Variants in SLC38A12 observed in about 807,000 individuals in gnomAD.
SLC38A12 encodes putative sodium-coupled neutral amino acid transporter 12.
the SLC38A12 span, chr17:74,836,391 G>A: frequency 2.9e-5 from 46 of 1,611,702 alleles, no homozygotes; most frequent in Middle Eastern, 3.3e-4. The surrounding 1 kb of genome is among the most constrained non-coding windows in gnomAD (Gnocchi z 4.2). Context: ...GGACCGCGTC[G>A]TGTTTCCCAC....
At chr17:74,794,318 G>C in the SLC38A12 span, among the ~76,000 whole-genome samples, 1 of 152,188 alleles carries the variant, frequency 6.6e-6, no homozygotes, top group Non-Finnish European at 1.5e-5. Flanking sequence ...GGAGTGAGAG[G>C]GGACAAACGT....
chr17:74,779,142 G>A, the SLC38A12 span, among the ~76,000 whole-genome samples: 1 of 152,186 alleles, frequency 6.6e-6, no homozygotes, highest in Non-Finnish European at 1.5e-5. Flanking sequence ...TAAATTTAGA[G>A]ATAAGGAGAT....
At chr17:74,786,580 A>G in the SLC38A12 span, among the ~76,000 whole-genome samples, 1 of 152,198 alleles carries the variant, frequency 6.6e-6, no homozygotes, top group African/African-American at 2.4e-5. Flanking sequence ...GGGGACTAGG[A>G]TGCCGGCTGA....
At chr17:74,813,917 G>A in the SLC38A12 span, among the ~76,000 whole-genome samples, 5 of 152,164 alleles carry the variant, frequency 3.3e-5, no homozygotes, top group African/African-American at 1.2e-4. Flanking sequence ...AGTTCCAGTT[G>A]GAAGCTGCAG....
the SLC38A12 span, among the ~76,000 whole-genome samples, chr17:74,833,015 G>GACTTGTTTGTTT: frequency 1.2e-4 from 18 of 151,850 alleles, no homozygotes; most frequent in African/African-American, 3.6e-4. Context: ...CCATATCCGT[G>GACTTGTTTGTTT]GCTTGTTTGT....
the SLC38A12 span, among the ~76,000 whole-genome samples, chr17:74,800,356 G>C: frequency 6.6e-6 from 1 of 152,190 alleles, no homozygotes; most frequent in Non-Finnish European, 1.5e-5. Flanking sequence ...GTCTGCCCTG[G>C]TGCCCCTCAC....
the SLC38A12 span, among the ~76,000 whole-genome samples, chr17:74,809,261 G>A: frequency 2.6e-5 from 4 of 152,148 alleles, no homozygotes; most frequent in African/African-American, 7.2e-5. Context: ...AAGGGACCTG[G>A]GGAGGTTTTC....
the SLC38A12 span, chr17:74,785,465 G>T: frequency 1.2e-6 from 2 of 1,605,418 alleles, no homozygotes; most frequent in Non-Finnish European, 8.5e-7. Context: ...CTTGAATGTT[G>T]CCTCTGTCGG....
At chr17:74,817,656 A>G in the SLC38A12 span, among the ~76,000 whole-genome samples, 1 of 152,118 alleles carries the variant, frequency 6.6e-6, no homozygotes, top group African/African-American at 2.4e-5. Flanking sequence ...GTGTCCTAGG[A>G]TCTTGACAAG....
At chr17:74,810,658 C>G in the SLC38A12 span, among the ~76,000 whole-genome samples, 1 of 152,248 alleles carries the variant, frequency 6.6e-6, no homozygotes, top group East Asian at 1.9e-4. Flanking sequence ...CTCCCAGTCT[C>G]TGGGTCAGCC....
the SLC38A12 span, among the ~76,000 whole-genome samples, chr17:74,824,568 T>C: frequency 3.3e-5 from 5 of 152,148 alleles, no homozygotes; most frequent in African/African-American, 1.2e-4. Context: ...GCTGGCTTGG[T>C]GCGGGGCGCC....
the SLC38A12 span, among the ~76,000 whole-genome samples, chr17:74,829,993 G>A: frequency 6.6e-6 from 1 of 152,302 alleles, no homozygotes; most frequent in African/African-American, 2.4e-5. This position sits in a 1 kb window ranked among gnomAD's most constrained non-coding sequence, Gnocchi z 4.1. Flanking sequence ...ATGCCCAAGG[G>A]TGTGTGTTCA....
the SLC38A12 span, among the ~76,000 whole-genome samples, chr17:74,829,334 G>A: frequency 0.16 from 24,866 of 152,142 alleles, 2,234 homozygotes; most frequent in Non-Finnish European, 0.17. The surrounding 1 kb of genome is among the most constrained non-coding windows in gnomAD (Gnocchi z 4.1). Context: ...ATTTTGGCCA[G>A]GCTGGTCTCA....
the SLC38A12 span, chr17:74,819,698 A>G: frequency 1.9e-6 from 3 of 1,555,450 alleles, 1 homozygote; most frequent in South Asian, 3.3e-5. Context: ...CCGTGTGCAG[A>G]CAGTCTGCTG....
chr17:74,783,826 G>C, the SLC38A12 span, among the ~76,000 whole-genome samples: 1 of 147,780 alleles, frequency 6.8e-6, no homozygotes, highest in Non-Finnish European at 1.5e-5. Flanking sequence ...CACCTCCCGG[G>C]TTCAAGCGAT....
At chr17:74,835,440 C>A in the SLC38A12 span, among the ~76,000 whole-genome samples, 5 of 152,168 alleles carry the variant, frequency 3.3e-5, no homozygotes, top group African/African-American at 1.2e-4. Context: ...CCCAAACACT[C>A]CATGCCCTTC....
chr17:74,821,449 A>G, the SLC38A12 span, among the ~76,000 whole-genome samples: 1 of 152,160 alleles, frequency 6.6e-6, no homozygotes, highest in African/African-American at 2.4e-5. Context: ...TAACGTGACT[A>G]CCTGGGGGAA....
At chr17:74,819,333 A>G in the SLC38A12 span, among the ~76,000 whole-genome samples, 78 of 152,314 alleles carry the variant, frequency 5.1e-4, no homozygotes, top group African/African-American at 1.6e-3. Context: ...GCAGTAAACT[A>G]AGAGTCAGAG....
the SLC38A12 span, among the ~76,000 whole-genome samples, chr17:74,828,084 A>G: frequency 3.1e-4 from 47 of 152,216 alleles, no homozygotes; most frequent in Non-Finnish European, 5.1e-4. Context: ...TAGCCCTGGC[A>G]TGTTGATTCT....
Sources: gnomAD v4.1 joint callset for allele counts (sites outside exome capture counted in the v4.1 genomes callset) on GRCh38, gnomAD v4.1.1 for gene constraint, Gnocchi (gnomAD v3.1) non-coding constraint, MANE v1.5 for transcripts, NCBI Gene and HGNC (gene_info 2026-07-23, HGNC 2026-07-21) for gene names.